Variants in LMBRD1 observed in about 807,000 individuals in gnomAD.
LMBRD1 encodes the protein LMBR1 domain containing 1, also known as lysosomal cobalamin transport escort protein LMBD1.
In LMBRD1, 64 loss-of-function variants were observed where a neutral mutation model predicts 74.8. That is an observed-to-expected ratio of 0.86 (90% CI 0.70 to 1.05). The LOEUF is 1.05. Among genes scored for constraint, LMBRD1 ranks in the 50% least tolerant of loss-of-function variants. The pLI is 0.00. For missense variants in LMBRD1, 652 were observed against 645.9 expected (o/e 1.01, Z -0.10); for synonymous variants, 204 against 216.3 (o/e 0.94, Z 0.50).
intron 7 of LMBRD1, among the ~76,000 whole-genome samples, chr6:69,732,434 G>A (rs959843589): frequency 6.6e-6 from 1 of 152,112 alleles, no homozygotes; most frequent in Non-Finnish European, 1.5e-5. Flanking sequence ...CAGACACCTT[G>A]ATGTTGTACT....
chr6:69,696,375 C>T (rs954337502), intron 14 of LMBRD1, among the ~76,000 whole-genome samples: 3 of 152,150 alleles, frequency 2.0e-5, no homozygotes, highest in Non-Finnish European at 2.9e-5. Context: ...ATCTATATAA[C>T]TGCTATAATT....
intron 14 of LMBRD1, among the ~76,000 whole-genome samples, chr6:69,689,252 A>G (rs1031139622): frequency 2.6e-5 from 4 of 152,114 alleles, no homozygotes; most frequent in Non-Finnish European, 2.9e-5. Flanking sequence ...AAAAATAAGA[A>G]AAGAAAGTTA....
intron 3 of LMBRD1, among the ~76,000 whole-genome samples, chr6:69,752,858 A>G (rs1020657228): frequency 6.6e-6 from 1 of 152,238 alleles, no homozygotes; most frequent in African/African-American, 2.4e-5. Flanking sequence ...GCAGTATTAT[A>G]TAACCAATCT....
chr6:69,720,058 G>T (rs1766580418), intron 7 of LMBRD1, among the ~76,000 whole-genome samples: 2 of 152,136 alleles, frequency 1.3e-5, no homozygotes, highest in Non-Finnish European at 1.5e-5. Context: ...TACCTTTAGT[G>T]TTAATTTTAA....
At chr6:69,696,946 C>T (rs1007153066) in intron 14 of LMBRD1, among the ~76,000 whole-genome samples, 1 of 150,920 alleles carries the variant, frequency 6.6e-6, no homozygotes, top group African/African-American at 2.4e-5. Flanking sequence ...AAGAATAAAT[C>T]AGGAATCCTT....
At chr6:69,714,545 A>T in intron 8 of LMBRD1, among the ~76,000 whole-genome samples, 1 of 152,178 alleles carries the variant, frequency 6.6e-6, no homozygotes, top group Non-Finnish European at 1.5e-5. Context: ...TAAAATATAA[A>T]ATTGTTTTTA....
intron 5 of LMBRD1, among the ~76,000 whole-genome samples, 161 bp downstream of exon 5, chr6:69,749,180 T>C (rs929631488): frequency 6.6e-6 from 1 of 151,950 alleles, no homozygotes; most frequent in African/African-American, 2.4e-5. Context: ...TAGACAAAAC[T>C]GTTAAATTGT....
chr6:69,710,116 A>T (rs1459831369), intron 9 of LMBRD1, among the ~76,000 whole-genome samples: 1 of 152,310 alleles, frequency 6.6e-6, no homozygotes, highest in Non-Finnish European at 1.5e-5. Context: ...TTCATGGCAG[A>T]TTATAAAGCT....
intron 1 of LMBRD1, among the ~76,000 whole-genome samples, chr6:69,790,908 A>G (rs1766067802): frequency 6.6e-6 from 1 of 152,228 alleles, no homozygotes; most frequent in Admixed American, 6.5e-5. Flanking sequence ...TCCTGTTCTG[A>G]CAGTTCAAGA....
At chr6:69,745,282 C>T (rs1199355321) in intron 5 of LMBRD1, among the ~76,000 whole-genome samples, 6 of 142,966 alleles carry the variant, frequency 4.2e-5, no homozygotes, top group African/African-American at 1.3e-4. Context: ...GACGGAGTCT[C>T]GCTCTGTCGC....
At chr6:69,785,527 C>T (rs1765927298) in intron 2 of LMBRD1, among the ~76,000 whole-genome samples, 1 of 152,204 alleles carries the variant, frequency 6.6e-6, no homozygotes, top group Non-Finnish European at 1.5e-5. Context: ...CCCTCTTATT[C>T]CTCTAAGTTT....
At chr6:69,683,964 G>T (rs1033793852) in intron 14 of LMBRD1, among the ~76,000 whole-genome samples, 5 of 152,018 alleles carry the variant, frequency 3.3e-5, no homozygotes, top group Non-Finnish European at 5.9e-5. Context: ...TACCAGCAAT[G>T]ACACTTCCCA....
At chr6:69,707,611 G>C (rs1260813830) in intron 9 of LMBRD1, among the ~76,000 whole-genome samples, 3 of 151,978 alleles carry the variant, frequency 2.0e-5, no homozygotes, top group Non-Finnish European at 2.9e-5. Context: ...CTTTTAAATA[G>C]CATACATTGG....
intron 6 of LMBRD1, among the ~76,000 whole-genome samples, chr6:69,738,359 T>C (rs1314388827): frequency 6.6e-6 from 1 of 152,132 alleles, no homozygotes; most frequent in Non-Finnish European, 1.5e-5. Context: ...CCTTTCTCAA[T>C]GGCAGACCCT....
At chr6:69,735,063 T>C (rs529554146) in intron 7 of LMBRD1, among the ~76,000 whole-genome samples, 1 of 152,380 alleles carries the variant, frequency 6.6e-6, no homozygotes, top group East Asian at 1.9e-4. Flanking sequence ...TGTTATGCAC[T>C]TGTATGTAGT....
chr6:69,747,166 A>C (rs1412516653), intron 5 of LMBRD1, among the ~76,000 whole-genome samples: 10 of 152,162 alleles, frequency 6.6e-5, no homozygotes, highest in Non-Finnish European at 1.5e-5. Context: ...ATGAAGTCAC[A>C]AGGGTGGGGC....
chr6:69,707,906 T>C (rs911373410), intron 9 of LMBRD1, among the ~76,000 whole-genome samples: 8 of 152,180 alleles, frequency 5.3e-5, no homozygotes, highest in Non-Finnish European at 5.9e-5. Flanking sequence ...TTGCACAACA[T>C]TGTGAATGTA....
In LMBRD1 at chr6:69,676,088, T is replaced by G; in HGVS notation, c.*70A>C. On this transcript the variant is annotated 3_prime_UTR_variant, in exon 16 of 16. Coordinates refer to ENST00000649934, the MANE Select transcript of LMBRD1 (RefSeq NM_018368.4). ...AAAGCTAGTTAGCAAATCCTAATGTTAGTTTAATACTTTAAAAATGCATAA... is the reference window on the plus strand; with the variant it reads ...AAAGCTAGTTAGCAAATCCTAATGTGAGTTTAATACTTTAAAAATGCATAA... 8.1e-7 allele frequency: 1 copy of G among 1,240,736 alleles called. No homozygotes were observed. Among genetic ancestry groups the G allele is most frequent in the East Asian group, 2.4e-5 (1 of 41,966 alleles). 76.9% of individuals were successfully genotyped at this position (1,240,736 alleles called of 1,614,324 possible).
At chr6:69,697,433 C>G in intron 14 of LMBRD1, 130 bp downstream of exon 14, 1 of 685,882 alleles carries the variant, frequency 1.5e-6, no homozygotes, top group Non-Finnish European at 2.6e-6. Context: ...AAGAGATTTA[C>G]CAACCTCTAC....
Sources: gnomAD v4.1 joint callset for allele counts (sites outside exome capture counted in the v4.1 genomes callset) on GRCh38, gnomAD v4.1.1 for gene constraint, MANE v1.5 for transcripts, NCBI Gene and HGNC (gene_info 2026-07-23, HGNC 2026-07-21) for gene names.